The following CD8B2 variants were observed in gnomAD, a reference collection of about 807,000 sequenced individuals.
CD8B2 encodes the protein T-cell surface glycoprotein CD8 beta-2 chain.
CD8B2 carries 11 observed loss-of-function variants against 23.7 expected under a neutral mutation model. The observed-to-expected ratio is 0.46, with a 90% confidence interval of 0.29 to 0.77. CD8B2 has a LOEUF of 0.77. Ranked by LOEUF, CD8B2 falls within the 30% of genes least tolerant of loss-of-function variation. The pLI, the probability that CD8B2 is intolerant of heterozygous loss-of-function variation, is 0.09. For synonymous variants in CD8B2, 90 were observed against 109.3 expected, an observed-to-expected ratio of 0.82 and a Z score of 1.10; for missense variants, 197 against 270.5, an observed-to-expected ratio of 0.73 and a Z score of 1.91.
At chr2:106,536,030 C>CTTTTTTTTTTT (rs869103310) in intron 5 of CD8B2, among the ~76,000 whole-genome samples, 1 of 123,890 alleles carries the variant, frequency 8.1e-6, no homozygotes, top group African/African-American at 2.9e-5. Flanking sequence ...GCCACACACA[C>CTTTTTTTTTTT]TTTTTTTTTT....
chr2:106,539,185 C>T (rs962374042), intron 5 of CD8B2, among the ~76,000 whole-genome samples: 1 of 152,136 alleles, frequency 6.6e-6, no homozygotes, highest in African/African-American at 2.4e-5. Context: ...TGCCTGGTGC[C>T]CCCACAGCAC....
chr2:106,509,044 A>G lies in CD8B2; in HGVS notation c.*2104A>G, dbSNP rs1679571178. The G allele has an allele frequency of 6.7e-6, 1 of 149,814 alleles. No homozygotes were observed. Among genetic ancestry groups the G allele is most frequent in the Non-Finnish European group, 1.5e-5 (1 of 67,670 alleles). The allele number at this position is 149,814 out of a possible 1,614,324, so 9.3% of individuals were successfully genotyped here. On this transcript the variant is annotated 3_prime_UTR_variant, in exon 6 of 6. Coordinates refer to ENST00000643224, the MANE Select transcript of CD8B2 (RefSeq NM_001349727.2). ...AGGTGTTTCTCCTTCATTCAGCACG[A>G]ATTGGCCTTAGATGCCCTGCCCCCA...
intron 5 of CD8B2, among the ~76,000 whole-genome samples, chr2:106,519,199 C>T (rs2104567482): frequency 6.6e-6 from 1 of 152,308 alleles, no homozygotes; most frequent in South Asian, 2.1e-4. Context: ...TTGCTGGACT[C>T]CTCCTCAAAG....
At chr2:106,490,080 G>A (rs575899429) in intron 1 of CD8B2, among the ~76,000 whole-genome samples, 16 of 152,118 alleles carry the variant, frequency 1.1e-4, no homozygotes, top group African/African-American at 3.9e-4. Context: ...GGGGGTCATG[G>A]GCTGTAATTG....
chr2:106,519,090 C>A (rs1296924425), intron 5 of CD8B2, among the ~76,000 whole-genome samples: 1 of 152,180 alleles, frequency 6.6e-6, no homozygotes, highest in Admixed American at 6.5e-5. Context: ...ATCCATCCAT[C>A]TTCTATAGGC....
intron 5 of CD8B2, among the ~76,000 whole-genome samples, chr2:106,539,410 G>A (rs1444318239): frequency 6.6e-6 from 1 of 152,220 alleles, no homozygotes; most frequent in African/African-American, 2.4e-5. Context: ...ACTACTTTAT[G>A]GAATTGAAGT....
At position 106,519,084 on chromosome 2, in the gene CD8B2, A is replaced by AT. The variant is rs377195722; in HGVS notation, c.620+14760dup. Among the ~76,000 whole-genome samples the AT allele has an allele frequency of 1.2e-4, 18 of 152,270 alleles. No individual in the cohort carries two copies. In the East Asian group the frequency reaches 3.5e-3, roughly 29 times the overall value. On this transcript the variant is annotated intron_variant, in intron 5 of 5. Coordinates refer to the CD8B2 transcript ENST00000416057. ...CCATCATCCATCCATCCATCCATCC[A>AT]TCCATCTTCTATAGGCCTCATCAAG...
Position 106,492,314 on chromosome 2 carries a change from C to T in CD8B2, c.403+1081C>T, listed in dbSNP as rs531158309. Among the ~76,000 whole-genome samples the T allele has an allele frequency of 3.9e-5, 6 of 152,146 alleles. No homozygotes were observed. The East Asian group carries it at 1.2e-3, about 29-fold the overall frequency. ...ACAGATGAAATTCTAAATTTAAAGT[C>T]ATGTTTAAAAAAGCAAAAAGAAGCA... On this transcript the variant is annotated intron_variant, in intron 2 of 5. Coordinates refer to ENST00000643224, the MANE Select transcript of CD8B2 (RefSeq NM_001349727.2).
chr2:106,500,445 G>A (rs575578833), intron 3 of CD8B2, among the ~76,000 whole-genome samples: 84 of 150,836 alleles, frequency 5.6e-4, no homozygotes, highest in African/African-American at 2.0e-3. Context: ...CTTGAACCCA[G>A]GAGGCAGAGG....
chr2:106,514,427 A>G (rs1374886789), downstream of CD8B2, among the ~76,000 whole-genome samples: 1 of 151,392 alleles, frequency 6.6e-6, no homozygotes, highest in Non-Finnish European at 1.5e-5. Flanking sequence ...AGCTGGGATT[A>G]CAGGTGCGCG....
downstream of CD8B2, among the ~76,000 whole-genome samples, chr2:106,515,293 C>G (rs79306582): frequency 0.036 from 5,489 of 152,282 alleles, 113 homozygotes; most frequent in Non-Finnish European, 0.048. Context: ...TAGGTGTAGC[C>G]TATTTCCTGG....
intron 5 of CD8B2, chr2:106,537,977 C>T (rs1037591909): frequency 6.6e-6 from 1 of 152,154 alleles, no homozygotes; most frequent in Admixed American, 6.5e-5. Context: ...CTTTTCTGAC[C>T]TGCGCTGAGA....
chr2:106,520,010 C>T (rs1408117718), intron 5 of CD8B2, among the ~76,000 whole-genome samples: 2 of 152,138 alleles, frequency 1.3e-5, no homozygotes, highest in African/African-American at 4.8e-5. Context: ...TGCCTACACC[C>T]GCTGGGATGT....
chr2:106,539,361 C>T (rs1680138793), intron 5 of CD8B2, among the ~76,000 whole-genome samples: 1 of 152,030 alleles, frequency 6.6e-6, no homozygotes, highest in Non-Finnish European at 1.5e-5. Context: ...TATATTGGTC[C>T]CAAAAGGCAA....
At chr2:106,487,542 T>TCCTGGC (rs1231814653) in intron 1 of CD8B2, 73 bp downstream of exon 1, 1 of 926,406 alleles carries the variant, frequency 1.1e-6, no homozygotes, top group Non-Finnish European at 1.4e-6. Flanking sequence ...TACGTGGCTG[T>TCCTGGC]CCTGGCCCTG....
rs1476374712 is a variant in CD8B2 at position 106,491,101 on chromosome 2, G to A, written c.271G>A (p.Ala91Thr). ...TGAAGAGGTGGAACAGGAGAAGATA[G>A]CTGTGTTTCGGGATGCAAGCCGGTT... ...HGEEVEQEKI[A>T]VFRDASRFIL... The change falls in exon 2 of 6, where the codon GCT (alanine) becomes ACT (threonine). Residue 91 changes from alanine to threonine, a missense_variant. Physicochemically the swap from Ala to Thr is moderately conservative, Grantham distance 58. Coordinates refer to ENST00000643224, the MANE Select transcript of CD8B2 (RefSeq NM_001349727.2). The A allele has an allele frequency of 8.1e-6, 13 of 1,613,816 alleles. No individual in the cohort carries two copies. Among genetic ancestry groups the A allele is most frequent in the Middle Eastern group, 1.6e-4 (1 of 6,078 alleles).
chr2:106,538,001 T>C (rs574787381), intron 5 of CD8B2: 1 of 152,350 alleles, frequency 6.6e-6, no homozygotes, highest in African/African-American at 2.4e-5. Context: ...GGTGGATGCA[T>C]GGCCCCAGAG....
intron 5 of CD8B2, among the ~76,000 whole-genome samples, chr2:106,536,275 G>A (rs1272059050): frequency 2.6e-5 from 4 of 151,970 alleles, no homozygotes; most frequent in South Asian, 4.2e-4. Context: ...CAGGTGATCC[G>A]CCTGCCTTGG....
At chr2:106,490,200 C>A (rs905246396) in intron 1 of CD8B2, among the ~76,000 whole-genome samples, 1 of 152,020 alleles carries the variant, frequency 6.6e-6, no homozygotes, top group Non-Finnish European at 1.5e-5. Flanking sequence ...TGGAGCCTAC[C>A]GAAGGGCTGT....
Sources: gnomAD v4.1 joint callset for allele counts (sites outside exome capture counted in the v4.1 genomes callset) on GRCh38, gnomAD v4.1.1 for gene constraint, MANE v1.5 for transcripts, NCBI Gene and HGNC (gene_info 2026-07-23, HGNC 2026-07-21) for gene names.